The following ANKRD20A1 variants were observed in gnomAD, a reference collection of about 807,000 sequenced individuals.
ANKRD20A1 encodes ankyrin repeat domain 20 family member A1.
ANKRD20A1 carries 2 observed loss-of-function variants against 50.9 expected under a neutral mutation model. That is an observed-to-expected ratio of 0.04 (90% CI 0.02 to 0.12). The LOEUF is 0.12. Among genes scored for constraint, ANKRD20A1 ranks in the 10% least tolerant of loss-of-function variants. The pLI is 1.00. For synonymous variants in ANKRD20A1, 10 were observed against 186.2 expected, an observed-to-expected ratio of 0.05 and a Z score of 7.70; for missense variants, 31 against 548.1, an observed-to-expected ratio of 0.06 and a Z score of 9.42.
intron 12 of ANKRD20A1, among the ~76,000 whole-genome samples, chr9:67,895,808 AAGAC>A (rs1224174445): frequency 1.2e-5 from 1 of 81,014 alleles, no homozygotes; most frequent in Non-Finnish European, 2.7e-5. Context: ...CAACTTCAAA[AAGAC>A]AGAGGTTCAC....
At chr9:67,900,251 AT>A (rs1215211131) in intron 14 of ANKRD20A1, among the ~76,000 whole-genome samples, 2 of 20,110 alleles carry the variant, frequency 9.9e-5, no homozygotes, top group African/African-American at 2.2e-4. Context: ...ATTCTTAAAA[AT>A]TCTCTGGTGT....
chr9:67,867,703 G>T (rs1432463432), intron 4 of ANKRD20A1, among the ~76,000 whole-genome samples: 1 of 123,214 alleles, frequency 8.1e-6, no homozygotes, highest in African/African-American at 2.8e-5. Flanking sequence ...TCTGTTGCCA[G>T]GCTGGAGTGC....
intron 6 of ANKRD20A1, among the ~76,000 whole-genome samples, chr9:67,871,433 A>T (rs1347365904): frequency 2.9e-5 from 4 of 139,122 alleles, no homozygotes; most frequent in African/African-American, 1.1e-4. Flanking sequence ...AGGTAGTTGT[A>T]GCTAATTTAT....
intron 8 of ANKRD20A1, among the ~76,000 whole-genome samples, chr9:67,881,194 G>T (rs1827788175): frequency 6.8e-6 from 1 of 148,020 alleles, no homozygotes; most frequent in Non-Finnish European, 1.5e-5. Context: ...CAGGAAGATT[G>T]CTTGAACCCA....
At chr9:67,865,147 A>C (rs1827539973) in intron 3 of ANKRD20A1, among the ~76,000 whole-genome samples, 2 of 151,810 alleles carry the variant, frequency 1.3e-5, no homozygotes, top group African/African-American at 4.8e-5. Flanking sequence ...TTTTAGTTGA[A>C]GTTTTATTAT....
At chr9:67,900,387 A>G (rs1188065448) in intron 14 of ANKRD20A1, 106 bp from the exon 15 acceptor site, 1 of 328,882 alleles carries the variant, frequency 3.0e-6, no homozygotes, top group East Asian at 1.4e-4. Context: ...ATATCCACTT[A>G]TGGTAAACTT....
At chr9:67,897,148 T>C in intron 12 of ANKRD20A1, among the ~76,000 whole-genome samples, 1 of 106,844 alleles carries the variant, frequency 9.4e-6, no homozygotes, top group African/African-American at 2.8e-5. Context: ...TCACATCCTC[T>C]TAATCTGGCT....
chr9:67,890,384 A>G (rs1827925028), intron 11 of ANKRD20A1, among the ~76,000 whole-genome samples: 1 of 125,050 alleles, frequency 8.0e-6, no homozygotes. Context: ...CTCAAACACA[A>G]TGTGCCTTTG....
In ANKRD20A1 at chr9:67,864,687, C is replaced by T. The variant is rs972371550; in HGVS notation, c.492+1296C>T. On this transcript the variant is annotated intron_variant, in intron 3 of 14. Transcript: ENST00000562196. ...AAAAAAAAAAAAAACCCCAAAAAAA[C>T]AAAAAACCTTCAAGGTTGGGATACA... Among the ~76,000 whole-genome samples the T allele has an allele frequency of 5.9e-5, 2 of 34,070 alleles. 1 individual carries two copies. Among genetic ancestry groups the T allele is most frequent in the Non-Finnish European group, 1.2e-4 (2 of 17,330 alleles). The allele number at this position is 34,070 out of a possible 152,430, so 22.4% of individuals were successfully genotyped here.
intron 14 of ANKRD20A1, 37 bp from the exon 15 acceptor site, chr9:67,900,456 T>C (rs1287211835): frequency 1.1e-6 from 1 of 937,180 alleles, no homozygotes; most frequent in African/African-American, 1.7e-5. Context: ...TGATATTTTA[T>C]TGAGTACTAG....
rs769042635 is a variant in ANKRD20A1 at position 67,900,448 on chromosome 9, A to T, written c.1498-45A>T. On this transcript the variant is annotated intron_variant, in intron 14 of 14. Transcript: ENST00000562196. The stretch of plus-strand genomic sequence containing the variant: ...TTCTTTAACTTCAGAGGTAATCATG[A>T]TATTTTATTGAGTACTAGCTAAAAT... The T allele has an allele frequency of 1.6e-5, 15 of 915,148 alleles. 2 individuals are homozygous for T. The highest frequency in any genetic ancestry group is 2.2e-5 in the Non-Finnish European group (15 of 690,356). 56.7% of individuals were successfully genotyped at this position (915,148 alleles called of 1,614,324 possible). A position where few individuals can be genotyped will look rare whatever the true frequency, so the allele number is the denominator to read the frequency against.
chr9:67,868,111 A>G (rs1827606071), intron 4 of ANKRD20A1, among the ~76,000 whole-genome samples: 1 of 125,088 alleles, frequency 8.0e-6, no homozygotes, highest in Non-Finnish European at 1.7e-5. Flanking sequence ...TCTTCATCTA[A>G]ATCTTTGCCT....
chr9:67,867,673 T>G (rs1354238151), intron 4 of ANKRD20A1, among the ~76,000 whole-genome samples: 8 of 142,240 alleles, frequency 5.6e-5, no homozygotes, highest in African/African-American at 2.1e-4. Flanking sequence ...AATTTTTTTT[T>G]TTTTGAGATG....
At chr9:67,900,396 T>C (rs1487963511) in intron 14 of ANKRD20A1, 97 bp from the exon 15 acceptor site, 1 of 400,846 alleles carries the variant, frequency 2.5e-6, no homozygotes, top group African/African-American at 2.4e-5. Context: ...TATGGTAAAC[T>C]TTTTAGTGGT....
rs2131546746 is a variant in ANKRD20A1, at chr9:67,858,935, TTC to T, written c.-489_-488del. Among the ~76,000 whole-genome samples the T allele has an allele frequency of 7.6e-5, 2 of 26,454 alleles. 1 individual carries two copies. Among genetic ancestry groups the T allele is most frequent in the African/African-American group, 4.1e-4 (2 of 4,874 alleles). 17.4% of individuals were successfully genotyped at this position (26,454 alleles called of 152,430 possible). A position where few individuals can be genotyped will look rare whatever the true frequency, so the allele number is the denominator to read the frequency against. ...GGCTGCAAGGCCAGACAGGCCCTCT[TTC>T]TCAGGCCGGGCTGGCTGCGCGCCTG... On this transcript the variant is annotated 5_prime_UTR_variant, in exon 1 of 15. Coordinates refer to ENST00000562196, the MANE Select transcript of ANKRD20A1 (RefSeq NM_032250.5).
chr9:67,884,136 C>T (rs1423025317), intron 8 of ANKRD20A1, among the ~76,000 whole-genome samples: 1 of 106,218 alleles, frequency 9.4e-6, no homozygotes, highest in Non-Finnish European at 2.1e-5. Flanking sequence ...TGGTGGTGCA[C>T]ACTGCTTATC....
intron 1 of ANKRD20A1, among the ~76,000 whole-genome samples, chr9:67,860,059 CTTT>C (rs1231568048): frequency 2.2e-4 from 3 of 13,872 alleles, no homozygotes; most frequent in Non-Finnish European, 4.3e-4. Flanking sequence ...TCATTATATT[CTTT>C]TTTTTTTTTT....
intron 8 of ANKRD20A1, among the ~76,000 whole-genome samples, chr9:67,882,315 A>T (rs1198654029): frequency 2.0e-5 from 3 of 151,346 alleles, no homozygotes; most frequent in Non-Finnish European, 4.4e-5. Context: ...TAGACAAATG[A>T]ATTTTTATAT....
rs1587603158 is a variant in ANKRD20A1, at chr9:67,884,628, C to T, written c.979+58C>T. On this transcript the variant is annotated intron_variant, in intron 9 of 14. Coordinates refer to ENST00000562196, the MANE Select transcript of ANKRD20A1 (RefSeq NM_032250.5). ...GATGGAGGCCGGGTGCGGTGGCTCA[C>T]GCCTGTAATCCCAGCACTTTGGGAG... 36 of 1,577,748 alleles carry T rather than the reference C, an allele frequency of 2.3e-5. 2 individuals are homozygous for T. The highest frequency in any genetic ancestry group is 1.7e-4 in the East Asian group (7 of 42,176).
Sources: gnomAD v4.1 joint callset for allele counts (sites outside exome capture counted in the v4.1 genomes callset) on GRCh38, gnomAD v4.1.1 for gene constraint, MANE v1.5 for transcripts, NCBI Gene and HGNC (gene_info 2026-07-23, HGNC 2026-07-21) for gene names.